Variants in PTPRJ observed in about 807,000 individuals in gnomAD.
The protein encoded by PTPRJ is receptor-type tyrosine-protein phosphatase eta.
A neutral mutation model predicts 141.3 loss-of-function variants in PTPRJ; 129 were observed. The ratio of observed to expected loss-of-function variants is 0.91; its 90% CI spans 0.79 to 1.06. The LOEUF (loss-of-function observed/expected upper bound fraction) is 1.06, where lower values mean the gene tolerates loss of function less well. Among genes scored for constraint, PTPRJ ranks in the 50% least tolerant of loss-of-function variants. PTPRJ has a pLI of 0.00. For synonymous variants in PTPRJ, 610 were observed against 640.5 expected (o/e 0.95, Z 0.72); for missense variants, 1,601 against 1,679.7 (o/e 0.95, Z 0.82).
intron 3 of PTPRJ, among the ~76,000 whole-genome samples, chr11:48,114,550 T>C (rs575278963): frequency 2.6e-5 from 4 of 151,678 alleles, no homozygotes; most frequent in African/African-American, 7.3e-5. Context: ...CAGAAATCAC[T>C]GGACAGGCTT....
chr11:48,031,250 G>A (rs1853974899), intron 1 of PTPRJ, among the ~76,000 whole-genome samples: 3 of 152,204 alleles, frequency 2.0e-5, no homozygotes, highest in Non-Finnish European at 4.4e-5. Flanking sequence ...TAGCACAGGA[G>A]CAGAAGGTAA....
chr11:48,029,510 C>T (rs899190625), intron 1 of PTPRJ, among the ~76,000 whole-genome samples: 1 of 152,178 alleles, frequency 6.6e-6, no homozygotes, highest in Non-Finnish European at 1.5e-5. Flanking sequence ...CCTCTTCAAA[C>T]CCGCATCTCT....
chr11:48,033,209 G>T (rs1176683535), intron 1 of PTPRJ, among the ~76,000 whole-genome samples: 1 of 152,192 alleles, frequency 6.6e-6, no homozygotes, highest in South Asian at 2.1e-4. Flanking sequence ...TGGTGCAAAG[G>T]CCTGGAAGAC....
chr11:47,988,210 G>A (rs61187278), intron 1 of PTPRJ, among the ~76,000 whole-genome samples: 3,579 of 152,248 alleles, frequency 0.024, 132 homozygotes, highest in African/African-American at 0.082. Flanking sequence ...TCTTGGGGGG[G>A]AAAAGAAGAG....
chr11:48,010,533 TTTA>T (rs1308370278), intron 1 of PTPRJ, among the ~76,000 whole-genome samples: 1 of 151,668 alleles, frequency 6.6e-6, no homozygotes, highest in Admixed American at 6.6e-5. Flanking sequence ...GAGTTAGGCT[TTTA>T]TTATTATTAT....
At chr11:48,147,066 C>T (rs1483056030) in intron 15 of PTPRJ, 103 bp downstream of exon 15, 6 of 961,640 alleles carry the variant, frequency 6.2e-6, no homozygotes, top group Middle Eastern at 2.8e-4. Context: ...ATATGATGAG[C>T]GCCATGTTCC....
chr11:48,155,854 A>C lies in PTPRJ; in HGVS notation c.3283A>C (p.Ile1095Leu). 2 of 1,607,038 alleles carry C rather than the reference A, an allele frequency of 1.2e-6. No homozygotes were observed. Among genetic ancestry groups the C allele is most frequent in the Middle Eastern group, 1.7e-4 (1 of 6,054 alleles). ...CCAGACCCATTCAACGGATGACTAC[A>C]TCAATGCCAACTACATGCCTGTAAG... ...SVQTHSTDDY[I>L]NANYMPGYHS... The change falls in exon 20 of 25, where the codon ATC becomes CTC. Residue 1095 changes from isoleucine (I) to leucine (L), a missense_variant. Coordinates refer to ENST00000418331, the MANE Select transcript of PTPRJ (RefSeq NM_002843.4).
At chr11:48,019,220 C>T (rs191861059) in intron 1 of PTPRJ, among the ~76,000 whole-genome samples, 14 of 152,172 alleles carry the variant, frequency 9.2e-5, no homozygotes, top group Admixed American at 3.9e-4. Flanking sequence ...AGGGGCTGGG[C>T]GGGCACTTGG....
intron 5 of PTPRJ, 90 bp from the exon 6 acceptor site, chr11:48,124,877 TG>T: frequency 8.3e-7 from 1 of 1,202,274 alleles, no homozygotes; most frequent in African/African-American, 1.5e-5. Flanking sequence ...CACTGTCTGA[TG>T]GCCATCTGAT....
At chr11:48,012,771 G>T (rs890828154) in intron 1 of PTPRJ, among the ~76,000 whole-genome samples, 1 of 152,070 alleles carries the variant, frequency 6.6e-6, no homozygotes, top group Non-Finnish European at 1.5e-5. Flanking sequence ...GCTTTACTGA[G>T]ATATAATTCA....
intron 1 of PTPRJ, among the ~76,000 whole-genome samples, chr11:48,010,133 C>T (rs34459234): frequency 6.6e-6 from 1 of 152,278 alleles, no homozygotes; most frequent in South Asian, 2.1e-4. Context: ...CCAAGGACAT[C>T]GTGCCACAGG....
chr11:48,049,664 A>C (rs955667016), intron 1 of PTPRJ, among the ~76,000 whole-genome samples: 1 of 150,746 alleles, frequency 6.6e-6, no homozygotes, highest in African/African-American at 2.4e-5. Context: ...CAGTGAGCCG[A>C]GATCGCGCCA....
chr11:48,167,397 C>G lies in PTPRJ; in HGVS notation c.*35C>G, dbSNP rs767696908. On this transcript the variant is annotated 3_prime_UTR_variant, in exon 25 of 25. Transcript: ENST00000418331. ...AATAACCTTTCTGGAGTGAACCAGA[C>G]CGTCGCACCCACAGCGAAGGCACAT... The G allele has an allele frequency of 8.1e-6, 13 of 1,595,954 alleles. No individual in the cohort carries two copies. Among genetic ancestry groups the G allele is most frequent in the African/African-American group, 1.3e-5 (1 of 74,146 alleles).
chr11:48,055,948 GTCAATA>G lies in PTPRJ; in HGVS notation c.97-54108_97-54103del, dbSNP rs781543751. Among the ~76,000 whole-genome samples the G allele has an allele frequency of 5.4e-4, 82 of 152,296 alleles. 1 individual carries two copies. The Middle Eastern group carries it at 0.01, about 19-fold the overall frequency. ...CTCGGTTACTTGCTGGCATGCATAGGTCAATATACAAGGTGTTCTCAGAGAAGCCGG... is the reference window on the plus strand; with the variant it reads ...CTCGGTTACTTGCTGGCATGCATAGGTACAAGGTGTTCTCAGAGAAGCCGG... On this transcript the variant is annotated intron_variant, in intron 1 of 24. Coordinates refer to ENST00000418331, the MANE Select transcript of PTPRJ (RefSeq NM_002843.4).
intron 1 of PTPRJ, among the ~76,000 whole-genome samples, chr11:48,015,151 A>T (rs1454972763): frequency 6.6e-6 from 1 of 151,980 alleles, no homozygotes; most frequent in Non-Finnish European, 1.5e-5. Flanking sequence ...CAGAAATTGG[A>T]GTCTGCGGTG....
chr11:48,103,220 A>G (rs1202644569), intron 1 of PTPRJ, among the ~76,000 whole-genome samples: 1 of 152,152 alleles, frequency 6.6e-6, no homozygotes, highest in Non-Finnish European at 1.5e-5. Context: ...CACACTTTGG[A>G]AACCTGAGGT....
chr11:48,099,703 A>G (rs561917814), intron 1 of PTPRJ, among the ~76,000 whole-genome samples: 1 of 152,186 alleles, frequency 6.6e-6, no homozygotes, highest in Admixed American at 6.5e-5. Context: ...GCTTTGTGGC[A>G]TTTCTGGCTT....
At chr11:48,114,087 C>T (rs1294269121) in intron 3 of PTPRJ, among the ~76,000 whole-genome samples, 1 of 152,128 alleles carries the variant, frequency 6.6e-6, no homozygotes, top group Non-Finnish European at 1.5e-5. Context: ...GATAAAATCA[C>T]ATACACAGTT....
chr11:48,081,274 G>A (rs1855551365), intron 1 of PTPRJ, among the ~76,000 whole-genome samples: 1 of 152,204 alleles, frequency 6.6e-6, no homozygotes, highest in African/African-American at 2.4e-5. Context: ...TCCGGATGTG[G>A]GCCAGTTCTC....
Sources: allele counts gnomAD v4.1 joint callset (sites outside exome capture counted in the v4.1 genomes callset), GRCh38; gene constraint gnomAD v4.1.1; transcripts MANE v1.5; gene names NCBI Gene and HGNC (gene_info 2026-07-23, HGNC 2026-07-21).